Variants in SEC22A observed in about 807,000 individuals in gnomAD.
The protein encoded by SEC22A is vesicle-trafficking protein SEC22a.
SEC22A carries 22 observed loss-of-function variants against 35.3 expected under a neutral mutation model. The ratio of observed to expected loss-of-function variants is 0.62; its 90% CI spans 0.45 to 0.89. The LOEUF is 0.89. SEC22A is among the 40% of genes least tolerant of loss of function. SEC22A has a pLI of 0.00. For missense variants in SEC22A, 354 were observed against 362.5 expected (o/e 0.98, Z 0.19); for synonymous variants, 119 against 129.5 (o/e 0.92, Z 0.55).
chr3:123,243,408 TGTTACTC>T (rs1361316738), intron 4 of SEC22A, among the ~76,000 whole-genome samples: 1 of 152,186 alleles, frequency 6.6e-6, no homozygotes, highest in African/African-American at 2.4e-5. Context: ...TTGATGCTGT[TGTTACTC>T]GTTTCTCCCA....
chr3:123,261,629 G>T (rs1259207803), intron 6 of SEC22A, among the ~76,000 whole-genome samples: 4 of 152,004 alleles, frequency 2.6e-5, no homozygotes, highest in African/African-American at 9.7e-5. Context: ...ACAAGTTTTG[G>T]TTGCTTTGTC....
intron 4 of SEC22A, among the ~76,000 whole-genome samples, chr3:123,233,414 C>A (rs1320367003): frequency 1.3e-5 from 2 of 152,052 alleles, no homozygotes; most frequent in African/African-American, 4.8e-5. Flanking sequence ...GTTTGCACAG[C>A]AATATCACCT....
chr3:123,258,157 G>A (rs922946842), intron 5 of SEC22A, among the ~76,000 whole-genome samples: 1 of 152,066 alleles, frequency 6.6e-6, no homozygotes, highest in African/African-American at 2.4e-5. Flanking sequence ...TGTGGTTGAG[G>A]AATATTTACT....
At chr3:123,253,999 T>TG (rs953540680) in intron 5 of SEC22A, among the ~76,000 whole-genome samples, 6 of 151,746 alleles carry the variant, frequency 4.0e-5, no homozygotes, top group African/African-American at 1.5e-4. Flanking sequence ...AAAAAAGAGT[T>TG]GGGGGAAATG....
intron 4 of SEC22A, among the ~76,000 whole-genome samples, chr3:123,227,675 A>T (rs994641708): frequency 9.9e-5 from 15 of 152,232 alleles, no homozygotes; most frequent in African/African-American, 3.6e-4. Context: ...ATCATTGTAT[A>T]TTGACAAAGG....
At chr3:123,202,119 C>A (rs1416775295) in intron 1 of SEC22A, 133 bp downstream of exon 1, 1 of 152,924 alleles carries the variant, frequency 6.5e-6, no homozygotes, top group Non-Finnish European at 1.5e-5. Context: ...AGACCTACCC[C>A]ACGGGCAGGA....
At chr3:123,254,308 A>T (rs1247933219) in intron 5 of SEC22A, among the ~76,000 whole-genome samples, 8 of 152,118 alleles carry the variant, frequency 5.3e-5, no homozygotes, top group Non-Finnish European at 1.2e-4. Context: ...AGCATGAGCC[A>T]CTGCCCCTGA....
intron 2 of SEC22A, among the ~76,000 whole-genome samples, chr3:123,217,898 C>T (rs773969427): frequency 1.2e-4 from 19 of 152,168 alleles, no homozygotes; most frequent in Non-Finnish European, 2.6e-4. Context: ...AATGCTGGCC[C>T]TATGCTAGGT....
chr3:123,225,609 T>C (rs375176314), intron 4 of SEC22A, among the ~76,000 whole-genome samples: 18 of 152,320 alleles, frequency 1.2e-4, no homozygotes, highest in South Asian at 4.1e-4. Flanking sequence ...ACATGAGATA[T>C]TTTGATACAG....
At chr3:123,251,904 G>A (rs1937618354) in intron 5 of SEC22A, among the ~76,000 whole-genome samples, 1 of 152,162 alleles carries the variant, frequency 6.6e-6, no homozygotes, top group South Asian at 2.1e-4. Context: ...AGAATTCTCT[G>A]CTTTGTAAAG....
intron 4 of SEC22A, among the ~76,000 whole-genome samples, chr3:123,237,934 T>C (rs551724446): frequency 7.9e-5 from 12 of 152,176 alleles, no homozygotes; most frequent in Admixed American, 7.9e-4. Flanking sequence ...GGAGGATGGT[T>C]TGAGCCTAGG....
intron 5 of SEC22A, among the ~76,000 whole-genome samples, chr3:123,253,094 A>G (rs932417244): frequency 6.6e-6 from 1 of 152,210 alleles, no homozygotes; most frequent in South Asian, 2.1e-4. Flanking sequence ...TAATTTGCAT[A>G]TGGCACATTA....
At chr3:123,238,608 TA>T (rs1251644364) in intron 4 of SEC22A, among the ~76,000 whole-genome samples, 3 of 152,236 alleles carry the variant, frequency 2.0e-5, no homozygotes, top group African/African-American at 7.2e-5. Context: ...AACTTCTAAA[TA>T]AAACTATTCA....
intron 4 of SEC22A, among the ~76,000 whole-genome samples, chr3:123,234,136 A>G (rs6800087): frequency 0.2 from 29,907 of 152,178 alleles, 3,041 homozygotes; most frequent in Middle Eastern, 0.28. Context: ...CAACACCTAC[A>G]TTAATGACAA....
At chr3:123,204,282 A>C (rs1435117638) in intron 1 of SEC22A, among the ~76,000 whole-genome samples, 2 of 151,058 alleles carry the variant, frequency 1.3e-5, no homozygotes, top group Non-Finnish European at 3.0e-5. Flanking sequence ...CAAGAAAAGT[A>C]AGTCAATTCA....
Position 123,212,665 on chromosome 3 carries a change from A to G in SEC22A, c.182+3266A>G, listed in dbSNP as rs1190320704. Among the ~76,000 whole-genome samples the G allele has an allele frequency of 3.3e-5, 5 of 152,032 alleles. No homozygotes were observed. The East Asian group carries it at 9.6e-4, about 29-fold the overall frequency. On this transcript the variant is annotated intron_variant, in intron 2 of 6. Coordinates refer to ENST00000492595, the MANE Select transcript of SEC22A (RefSeq NM_012430.5). ...GAAAATTCTAGATTTTGTATCATTT[A>G]GTTTTAGTTAGTTGTACTCCAGCTT...
intron 6 of SEC22A, among the ~76,000 whole-genome samples, chr3:123,265,246 C>T (rs1172213882): frequency 2.0e-5 from 3 of 152,112 alleles, no homozygotes; most frequent in Non-Finnish European, 4.4e-5. Flanking sequence ...CATTTTATAT[C>T]AGAGACTTGA....
At chr3:123,260,145 A>AAAAAAAAC (rs1937852313) in intron 6 of SEC22A, among the ~76,000 whole-genome samples, 1 of 96,010 alleles carries the variant, frequency 1.0e-5, no homozygotes, top group Non-Finnish European at 2.2e-5. Flanking sequence ...AAAAAAAAAA[A>AAAAAAAAC]AAAAAAAAAA....
chr3:123,208,086 TTCTCTTTATCTTCG>T (rs2108025895), intron 1 of SEC22A, among the ~76,000 whole-genome samples: 1 of 152,320 alleles, frequency 6.6e-6, no homozygotes, highest in East Asian at 1.9e-4. Flanking sequence ...CCCTTTTTCC[TTCTCTTTATCTTCG>T]TCTCTTTATC....
Sources: allele counts gnomAD v4.1 joint callset (sites outside exome capture counted in the v4.1 genomes callset), GRCh38; gene constraint gnomAD v4.1.1; transcripts MANE v1.5; gene names NCBI Gene and HGNC (gene_info 2026-07-23, HGNC 2026-07-21).